Variants in CCDC157 observed in about 807,000 individuals in gnomAD.
CCDC157 encodes coiled-coil domain containing 157, also known as coiled-coil domain-containing protein 157.
A neutral mutation model predicts 70.9 loss-of-function variants in CCDC157; 60 were observed. The ratio of observed to expected loss-of-function variants is 0.85; its 90% CI spans 0.69 to 1.05. The LOEUF (loss-of-function observed/expected upper bound fraction) is 1.05, where lower values mean the gene tolerates loss of function less well. Ranked by LOEUF, CCDC157 falls within the 50% of genes least tolerant of loss-of-function variation. The pLI is 0.00. For synonymous variants in CCDC157, 373 were observed against 422.4 expected (o/e 0.88, Z 1.43); for missense variants, 943 against 984.2 (o/e 0.96, Z 0.56).
In CCDC157 at chr22:30,370,268, TC is replaced by T; in HGVS notation, c.421-57del. The T allele has an allele frequency of 3.8e-6, 6 of 1,570,668 alleles. No homozygotes were observed. The Admixed American group carries it at 8.6e-5, about 23-fold the overall frequency. On this transcript the variant is annotated intron_variant, in intron 4 of 11. Transcript: ENST00000338306. ...CACAGAACATCCCCCAGGGAACCAG[TC>T]ACCTCCCTCTCTACTCTCTCCCTCA...
Position 30,357,076 on chromosome 22 carries a change from G to C in CCDC157, c.-222G>C, listed in dbSNP as rs1931927553. On this transcript the variant is annotated 5_prime_UTR_variant, in exon 1 of 12. Transcript: ENST00000338306. ...GATCCCGGTGGCCGCAGGCGCACCGGGGGCAGTTCCGGGAGCCGACCAGAC... is the reference window on the plus strand; with the variant it reads ...GATCCCGGTGGCCGCAGGCGCACCGCGGGCAGTTCCGGGAGCCGACCAGAC... 1 of 345,118 alleles carries C rather than the reference G, an allele frequency of 2.9e-6. No individual in the cohort carries two copies. The highest frequency in any genetic ancestry group is 5.2e-6 in the Non-Finnish European group (1 of 191,374). 21.4% of individuals were successfully genotyped at this position (345,118 alleles called of 1,614,324 possible).
chr22:30,372,162 AGTTGGAGGCGCAGGTGCAGCT>A lies in CCDC157; in HGVS notation c.1217_1237del (p.Glu406_Leu412del), dbSNP rs1364176982. ...CAGCAGCTGGAGGAGCAGGTGCAGC[AGTTGGAGGCGCAGGTGCAGCT>A]GTTGGTGGGTCGGCTGGAGGGCGCT... On this transcript the variant is annotated inframe_deletion, in exon 7 of 12. Transcript: ENST00000338306. 6.4e-6 allele frequency: 10 copies of A among 1,568,752 alleles called. No homozygotes were observed. The highest frequency in any genetic ancestry group is 8.6e-6 in the Non-Finnish European group (10 of 1,158,370).
intron 7 of CCDC157, chr22:30,373,168 G>A (rs1186039948): frequency 5.1e-6 from 1 of 195,416 alleles, no homozygotes; most frequent in African/African-American, 2.4e-5. Flanking sequence ...GAGCAGTCCA[G>A]CGTTAGTTCT....
At position 30,376,548 on chromosome 22, in the gene CCDC157, TC is replaced by T. The variant is rs1242133584; in HGVS notation, c.2066del (p.Pro689HisfsTer25). 1 of 1,612,132 alleles carries T rather than the reference TC, an allele frequency of 6.2e-7. No individual in the cohort carries two copies. The highest frequency in any genetic ancestry group is 8.5e-7 in the Non-Finnish European group (1 of 1,179,598). On this transcript the variant is annotated frameshift_variant, in exon 12 of 12. Coordinates refer to ENST00000338306, the MANE Select transcript of CCDC157 (RefSeq NM_001017437.5). LOFTEE classifies it low-confidence loss of function (END_TRUNC). Reference sequence around the variant, plus strand: ...ATCCCCACCTCGGCAGCCCTGCACATCCCCACCTCGGCAGCCCTGCACATCC... The same window carrying T: ...ATCCCCACCTCGGCAGCCCTGCACATCCCACCTCGGCAGCCCTGCACATCC... ...CTSPPRQPCT[S>X]PPRQPCTSPS... is the part of the protein sequence containing the mutation.
In CCDC157 at chr22:30,370,528, G is replaced by C. The variant is rs756078377; in HGVS notation, c.623G>C (p.Ser208Thr). The C allele has an allele frequency of 1.2e-6, 2 of 1,613,950 alleles. No homozygotes were observed. The highest frequency in any genetic ancestry group is 1.6e-4 in the Middle Eastern group (1 of 6,084). ...GCCACGACCTTCAAGAACACCAGGA[G>C]TGTCCACTCCCAGACCATTGAGACG... ...FPATTFKNTR[S>T]VHSQTIETAL... Residue 208 changes from serine to threonine, a missense_variant, in exon 5 of 12, where the codon AGT becomes ACT. Transcript: ENST00000338306.
chr22:30,367,019 A>G (rs904506616), intron 3 of CCDC157: 2 of 151,766 alleles, frequency 1.3e-5, no homozygotes, highest in Admixed American at 6.6e-5. Context: ...GATCACACCA[A>G]TGCACTCCAG....
intron 6 of CCDC157, 89 bp from the exon 7 acceptor site, chr22:30,371,986 C>T (rs1171308928): frequency 2.1e-6 from 2 of 931,444 alleles, no homozygotes; most frequent in East Asian, 5.3e-5. Context: ...CTCTGAGGCC[C>T]AGAGATGGGA....
At position 30,369,425 on chromosome 22, in the gene CCDC157, C is replaced by T. The variant is rs1932836430; in HGVS notation, c.249-7C>T. On this transcript the variant is annotated splice_region_variant and splice_polypyrimidine_tract_variant and intron_variant, in intron 3 of 11. Coordinates refer to ENST00000338306, the MANE Select transcript of CCDC157 (RefSeq NM_001017437.5). Reference sequence around the variant, plus strand: ...GGGCCCCAGCAACCTAGCATCTCTGCCCGCAGGCTCCTGCTGCTGCTTCAA... The same window carrying T: ...GGGCCCCAGCAACCTAGCATCTCTGTCCGCAGGCTCCTGCTGCTGCTTCAA... The T allele has an allele frequency of 1.3e-6, 2 of 1,502,182 alleles. No individual in the cohort carries two copies. Among genetic ancestry groups the T allele is most frequent in the African/African-American group, 1.4e-5 (1 of 70,734 alleles). The allele number at this position is 1,502,182 out of a possible 1,614,324, so 93.1% of individuals were successfully genotyped here.
At position 30,372,208 on chromosome 22, in the gene CCDC157, T is replaced by C. The variant is rs1035619425; in HGVS notation, c.1257T>C (p.Ala419=). The change falls in exon 7 of 12, where the codon GCT becomes GCC. Residue 419 remains alanine, a synonymous_variant. Transcript: ENST00000338306. ...VQLLVGRLEG[A]GQQVCWASTE... ...TGTTGGTGGGTCGGCTGGAGGGCGC[T>C]GGCCAGCAGGTCTGCTGGGCCAGCA... is the stretch of plus-strand genomic sequence containing the variant. 1.1e-5 allele frequency: 17 copies of C among 1,593,846 alleles called. No individual in the cohort carries two copies. The highest frequency in any genetic ancestry group is 1.3e-5 in the African/African-American group (1 of 74,670).
chr22:30,370,056 C>T, intron 4 of CCDC157: 1 of 551,960 alleles, frequency 1.8e-6, no homozygotes, highest in South Asian at 2.2e-5. Context: ...CTGTGACCGT[C>T]ACCATCACCT....
At chr22:30,358,084 T>C (rs943027235) in intron 1 of CCDC157, among the ~76,000 whole-genome samples, 2 of 152,074 alleles carry the variant, frequency 1.3e-5, no homozygotes, top group African/African-American at 4.8e-5. Flanking sequence ...TTCCCCCCTC[T>C]CTCCTTCCTC....
At chr22:30,374,326 T>C (rs1933183901) in intron 9 of CCDC157, 2 of 639,374 alleles carry the variant, frequency 3.1e-6, no homozygotes, top group Non-Finnish European at 5.7e-6. Flanking sequence ...CTGCCTCTAG[T>C]CACAACAGCC....
intron 9 of CCDC157, chr22:30,374,454 C>T: frequency 2.1e-6 from 1 of 480,384 alleles, no homozygotes; most frequent in Non-Finnish European, 4.1e-6. Context: ...GTCCCCAAAC[C>T]ACACCATGGG....
At position 30,370,744 on chromosome 22, in the gene CCDC157, G is replaced by T. The variant is rs769144873; in HGVS notation, c.839G>T (p.Arg280Met). 1 of 1,613,576 alleles carries T rather than the reference G, an allele frequency of 6.2e-7. No individual in the cohort carries two copies. Among genetic ancestry groups the T allele is most frequent in the South Asian group, 1.1e-5 (1 of 91,058 alleles). Reference sequence around the variant, plus strand: ...GTGGGCCGCTGGGCAGCAGAGCAGAGGAAAGACCTGACGCGCCTCAGTAAG... The same window carrying T: ...GTGGGCCGCTGGGCAGCAGAGCAGATGAAAGACCTGACGCGCCTCAGTAAG... ...ATVGRWAAEQ[R>M]KDLTRLSKHV... The change falls in exon 5 of 12, where the codon AGG becomes ATG. Residue 280 changes from arginine (R) to methionine (M), a missense_variant. Physicochemically the swap from Arg to Met is moderately conservative, Grantham distance 91. Transcript: ENST00000338306.
chr22:30,372,228 C>A lies in CCDC157; in HGVS notation c.1277C>A (p.Ala426Asp). 6.3e-7 allele frequency: 1 copy of A among 1,596,168 alleles called. No individual in the cohort carries two copies. The highest frequency in any genetic ancestry group is 8.5e-7 in the Non-Finnish European group (1 of 1,174,836). ...LEGAGQQVCW[A>D]STELDKEKAR... ...GGCGCTGGCCAGCAGGTCTGCTGGG[C>A]CAGCACGGAGCTGGATAAGGAGAAG... Residue 426 changes from alanine to aspartate, a missense_variant, in exon 7 of 12, where the codon GCC becomes GAC. Ala to Asp is a moderately radical substitution (Grantham distance 126). Coordinates refer to ENST00000338306, the MANE Select transcript of CCDC157 (RefSeq NM_001017437.5).
intron 3 of CCDC157, chr22:30,368,899 G>T (rs2145907556): frequency 6.6e-6 from 1 of 152,502 alleles, no homozygotes; most frequent in East Asian, 1.9e-4. Flanking sequence ...TTAGGACAGA[G>T]ACCTAGCTGT....
At chr22:30,360,640 G>A (rs1028231280) in intron 1 of CCDC157, among the ~76,000 whole-genome samples, 8 of 152,154 alleles carry the variant, frequency 5.3e-5, no homozygotes, top group East Asian at 1.9e-4. Context: ...GGCGGGGCGC[G>A]ATAGTTCATG....
rs1475508774 is a variant in CCDC157 at position 30,373,741 on chromosome 22, C to T, written c.1480C>T (p.Gln494Ter). The change falls in exon 8 of 12, where the codon CAA becomes TAA. Residue 494 changes from glutamine (Q) to a stop codon, truncating the protein, a stop_gained. Transcript: ENST00000338306. LOFTEE classifies it high-confidence loss of function. ...GCTGCAGAGCGAGCGGGAGCAGGGG[C>T]AATGCCAGCTCAGGGCCCAGCAGGT... is the stretch of plus-strand genomic sequence containing the variant. ...EQLQSEREQG[Q>*]CQLRAQQELL... The T allele has an allele frequency of 6.4e-7, 1 of 1,553,860 alleles. No individual in the cohort carries two copies.
intron 3 of CCDC157, among the ~76,000 whole-genome samples, chr22:30,368,405 T>C (rs1932803148): frequency 6.6e-6 from 1 of 152,230 alleles, no homozygotes; most frequent in South Asian, 2.1e-4. Flanking sequence ...TACCTCTGGC[T>C]GAGTTAGAGT....
Sources: allele counts gnomAD v4.1 joint callset (sites outside exome capture counted in the v4.1 genomes callset), GRCh38; gene constraint gnomAD v4.1.1; transcripts MANE v1.5; gene names NCBI Gene and HGNC (gene_info 2026-07-23, HGNC 2026-07-21).